Variants in SPOCK1 observed in about 807,000 individuals in gnomAD.
SPOCK1 encodes testican-1.
In SPOCK1, 23 loss-of-function variants were observed where a neutral mutation model predicts 55.3. The ratio of observed to expected loss-of-function variants is 0.42; its 90% CI spans 0.30 to 0.59. The LOEUF (loss-of-function observed/expected upper bound fraction) is 0.59. Among genes scored for constraint, SPOCK1 ranks in the 20% least tolerant of loss-of-function variants. SPOCK1 has a pLI of 0.22. For missense variants in SPOCK1, 499 were observed against 552.5 expected (o/e 0.90, Z 0.97); for synonymous variants, 226 against 221.0 (o/e 1.02, Z -0.20).
At chr5:137,141,120 C>G (rs984407349) in intron 3 of SPOCK1, among the ~76,000 whole-genome samples, 1 of 152,168 alleles carries the variant, frequency 6.6e-6, no homozygotes, top group Admixed American at 6.5e-5. Context: ...TGTTTGCCCT[C>G]GGTGCTGTTC....
rs552345264 is a variant in SPOCK1, at chr5:137,438,894, TAAGTA to T, written c.186+59474_186+59478del. ...CAGCTGTAAAAGTCCATGATAAAAG[TAAGTA>T]AAGTTTTCAGATCATTTGGGTTCGT... On this transcript the variant is annotated intron_variant, in intron 2 of 10. Coordinates refer to ENST00000394945, the MANE Select transcript of SPOCK1 (RefSeq NM_004598.4). Among the ~76,000 whole-genome samples, 28 of 152,268 alleles carry T rather than the reference TAAGTA, an allele frequency of 1.8e-4. No homozygotes were observed. In the East Asian group the frequency reaches 4.6e-3, roughly 25 times the overall value.
intron 4 of SPOCK1, among the ~76,000 whole-genome samples, chr5:137,117,017 C>A (rs1753598947): frequency 6.6e-6 from 1 of 152,186 alleles, no homozygotes; most frequent in Non-Finnish European, 1.5e-5. Context: ...TGGTTGGGTT[C>A]TCTGACTAAT....
chr5:137,142,992 A>G (rs1314982694), intron 3 of SPOCK1, among the ~76,000 whole-genome samples: 1 of 152,214 alleles, frequency 6.6e-6, no homozygotes, highest in Non-Finnish European at 1.5e-5. Flanking sequence ...CTGAACACAC[A>G]ACATCCAATG....
At chr5:137,486,731 T>A (rs1046328453) in intron 2 of SPOCK1, among the ~76,000 whole-genome samples, 4 of 152,228 alleles carry the variant, frequency 2.6e-5, no homozygotes, top group Admixed American at 6.5e-5. Context: ...TAGGAATTTT[T>A]AAACCAACAA....
At chr5:137,100,224 C>A (rs1477027016) in intron 5 of SPOCK1, among the ~76,000 whole-genome samples, 1 of 152,154 alleles carries the variant, frequency 6.6e-6, no homozygotes, top group Non-Finnish European at 1.5e-5. Flanking sequence ...CAGTTAAAAT[C>A]CCAGGAAAAT....
chr5:137,301,693 G>A (rs138568047), intron 2 of SPOCK1, among the ~76,000 whole-genome samples: 101 of 146,090 alleles, frequency 6.9e-4, no homozygotes, highest in African/African-American at 2.0e-3. Flanking sequence ...TACTCAGGGC[G>A]CAGAAGGAAG....
In SPOCK1 at chr5:137,245,254, G is replaced by A. The variant is rs138766322; in HGVS notation, c.232+21756C>T. ...TTCACTAGGATTCTCCTTGATGCCA[G>A]TATTAAAAAAATCAATCATCTTTTC... On this transcript the variant is annotated intron_variant, in intron 3 of 10. Transcript: ENST00000394945. Among the ~76,000 whole-genome samples the A allele has an allele frequency of 7.0e-3, 1,039 of 149,278 alleles. 8 individuals carry two copies. The highest frequency in any genetic ancestry group is 0.035 in the Middle Eastern group (10 of 284).
At chr5:137,229,116 G>A (rs1418535504) in intron 3 of SPOCK1, among the ~76,000 whole-genome samples, 1 of 152,122 alleles carries the variant, frequency 6.6e-6, no homozygotes, top group Admixed American at 6.5e-5. Context: ...CATACAATGG[G>A]AATCTTCAAC....
intron 2 of SPOCK1, among the ~76,000 whole-genome samples, chr5:137,312,579 T>C (rs1471717196): frequency 2.0e-5 from 3 of 152,194 alleles, no homozygotes; most frequent in Admixed American, 2.0e-4. Flanking sequence ...TTACGAATTA[T>C]ATTATTCCAA....
chr5:137,247,845 C>T (rs901200049), intron 3 of SPOCK1, among the ~76,000 whole-genome samples: 7 of 152,112 alleles, frequency 4.6e-5, no homozygotes, highest in South Asian at 2.1e-4. Flanking sequence ...TCCATTTCCA[C>T]GAGAACTAAT....
intron 6 of SPOCK1, among the ~76,000 whole-genome samples, chr5:137,031,664 C>A (rs2126985896): frequency 6.6e-6 from 1 of 152,114 alleles, no homozygotes; most frequent in Middle Eastern, 3.4e-3. Flanking sequence ...CTAACAAATA[C>A]AAAACACTCA....
chr5:137,400,108 CGTTAA>C (rs1192018145), intron 2 of SPOCK1, among the ~76,000 whole-genome samples: 1 of 152,192 alleles, frequency 6.6e-6, no homozygotes, highest in Non-Finnish European at 1.5e-5. Context: ...CACACATGGG[CGTTAA>C]GTTAACTGGG....
intron 4 of SPOCK1, among the ~76,000 whole-genome samples, chr5:137,126,188 A>G (rs1018657965): frequency 1.3e-5 from 2 of 152,318 alleles, no homozygotes; most frequent in African/African-American, 4.8e-5. Flanking sequence ...ATTGTTAAAA[A>G]GAGCCTGGGA....
chr5:137,273,374 A>G, intron 2 of SPOCK1: 1 of 985,168 alleles, frequency 1.0e-6, no homozygotes, highest in Non-Finnish European at 1.2e-6. Context: ...TCAAAAACCT[A>G]CCTCAACTTC....
intron 4 of SPOCK1, 87 bp downstream of exon 4, chr5:137,140,493 A>T: frequency 9.0e-7 from 1 of 1,117,202 alleles, no homozygotes; most frequent in Non-Finnish European, 1.3e-6. Context: ...TCCCCTCCCC[A>T]TATCCCCACG....
intron 6 of SPOCK1, 30 bp downstream of exon 6, chr5:137,067,685 A>G (rs1317663800): frequency 6.3e-7 from 1 of 1,599,638 alleles, no homozygotes; most frequent in South Asian, 1.1e-5. Context: ...ATTCCTGCCC[A>G]CGAATTCTCT....
chr5:137,148,632 C>T (rs1754251486), intron 3 of SPOCK1, among the ~76,000 whole-genome samples: 1 of 152,028 alleles, frequency 6.6e-6, no homozygotes, highest in African/African-American at 2.4e-5. Context: ...ACTCTGTCAC[C>T]CAATTAGGGG....
At chr5:137,055,224 A>G (rs1752277694) in intron 6 of SPOCK1, among the ~76,000 whole-genome samples, 1 of 152,224 alleles carries the variant, frequency 6.6e-6, no homozygotes, top group Non-Finnish European at 1.5e-5. Context: ...AGTTCTTGTT[A>G]TCCCACTTAA....
intron 3 of SPOCK1, among the ~76,000 whole-genome samples, chr5:137,201,868 T>C (rs1414007566): frequency 6.6e-6 from 1 of 152,128 alleles, no homozygotes; most frequent in East Asian, 1.9e-4. Context: ...CTCTATTCCA[T>C]GCAGGGGAAA....
Sources: allele counts gnomAD v4.1 joint callset (sites outside exome capture counted in the v4.1 genomes callset), GRCh38; gene constraint gnomAD v4.1.1; transcripts MANE v1.5; gene names NCBI Gene and HGNC (gene_info 2026-07-23, HGNC 2026-07-21).